Variants in SEC24D observed in about 807,000 individuals in gnomAD.
SEC24D encodes the protein protein transport protein Sec24D.
Under a neutral mutation model 116.9 loss-of-function variants are expected in SEC24D, and 69 were observed. The observed-to-expected ratio is 0.59, with a 90% CI of 0.49 to 0.72. The LOEUF (loss-of-function observed/expected upper bound fraction) is 0.72. Among genes scored for constraint, SEC24D ranks in the 30% least tolerant of loss-of-function variants. SEC24D has a pLI of 0.00. For missense variants in SEC24D, 1,131 were observed against 1,264.1 expected (o/e 0.89, Z 1.60); for synonymous variants, 405 against 442.8 (o/e 0.91, Z 1.07).
At chr4:118,783,239 C>T (rs944073573) in intron 8 of SEC24D, among the ~76,000 whole-genome samples, 5 of 152,240 alleles carry the variant, frequency 3.3e-5, no homozygotes, top group Admixed American at 3.3e-4. Flanking sequence ...CATCTTGGAA[C>T]AGACCCCTGA....
intron 3 of SEC24D, among the ~76,000 whole-genome samples, chr4:118,823,684 C>T (rs1730488935): frequency 6.6e-6 from 1 of 152,246 alleles, no homozygotes; most frequent in Non-Finnish European, 1.5e-5. Flanking sequence ...GCTTCTTTCC[C>T]AGGGATTAGT....
chr4:118,757,774 T>C lies in SEC24D; in HGVS notation c.1368A>G (p.Gly456=), dbSNP rs1727176036. The C allele has an allele frequency of 6.2e-7, 1 of 1,612,030 alleles. No individual in the cohort carries two copies. Among genetic ancestry groups the C allele is most frequent in the Non-Finnish European group, 8.5e-7 (1 of 1,179,100 alleles). ...GTTCTTCACATATGAGCTTGACAAGTCCATTCTTTATGTTACTATATGAAA... is the reference window on the plus strand; with the variant it reads ...GTTCTTCACATATGAGCTTGACAAGCCCATTCTTTATGTTACTATATGAAA... ...IDVSYSNIKN[G]LVKLICEELK... is the part of the protein sequence containing the mutation. The change falls in exon 11 of 23, where the codon GGA becomes GGG. Residue 456 remains glycine (G), a synonymous_variant. Transcript: ENST00000280551.
At chr4:118,743,886 G>C in intron 15 of SEC24D, 102 bp downstream of exon 15, 1 of 1,037,438 alleles carries the variant, frequency 9.6e-7, no homozygotes, top group East Asian at 2.5e-5. Context: ...ATTTATATGT[G>C]TCATCTACCC....
At chr4:118,776,336 C>T (rs116050037) in intron 8 of SEC24D, among the ~76,000 whole-genome samples, 4,345 of 152,292 alleles carry the variant, frequency 0.029, 118 homozygotes, top group Admixed American at 0.041. Flanking sequence ...TGTGACCTTT[C>T]TACCCAGGCC....
intron 2 of SEC24D, among the ~76,000 whole-genome samples, chr4:118,827,753 C>T (rs1459958307): frequency 1.3e-5 from 2 of 152,180 alleles, no homozygotes; most frequent in Admixed American, 1.3e-4. Flanking sequence ...GGACCACATA[C>T]TCCCAAGTCT....
intron 8 of SEC24D, among the ~76,000 whole-genome samples, chr4:118,780,200 C>T (rs754799988): frequency 7.0e-4 from 106 of 152,066 alleles, no homozygotes; most frequent in African/African-American, 8.9e-4. Context: ...GTTAGGGTGT[C>T]GATTTTGGAT....
At chr4:118,821,452 G>A (rs1730400083) in intron 3 of SEC24D, among the ~76,000 whole-genome samples, 1 of 152,130 alleles carries the variant, frequency 6.6e-6, no homozygotes, top group African/African-American at 2.4e-5. Context: ...AGCACTGCTT[G>A]CAAGTTTAAG....
chr4:118,734,506 C>T (rs7696543), intron 19 of SEC24D, among the ~76,000 whole-genome samples: 43,567 of 152,050 alleles, frequency 0.29, 7,149 homozygotes, highest in Non-Finnish European at 0.37. Context: ...AGCCACCATG[C>T]CTGGCTTAGT....
chr4:118,829,296 T>C (rs1054704037), intron 2 of SEC24D, among the ~76,000 whole-genome samples: 2 of 152,152 alleles, frequency 1.3e-5, no homozygotes, highest in Admixed American at 6.5e-5. Flanking sequence ...GAGGATGGCT[T>C]GAGGCCAGGA....
At chr4:118,728,439 T>C in intron 22 of SEC24D, 122 bp downstream of exon 22, 1 of 619,338 alleles carries the variant, frequency 1.6e-6, no homozygotes, top group Middle Eastern at 4.4e-4. Context: ...TTATTTTAGA[T>C]TTGTGATGGT....
intron 8 of SEC24D, among the ~76,000 whole-genome samples, chr4:118,793,219 G>T (rs2110500863): frequency 6.6e-6 from 1 of 152,238 alleles, no homozygotes; most frequent in South Asian, 2.1e-4. Context: ...TGTAATCCCA[G>T]CACTTTGGGA....
At chr4:118,826,675 T>TA (rs541858322) in intron 2 of SEC24D, among the ~76,000 whole-genome samples, 1 of 151,054 alleles carries the variant, frequency 6.6e-6, no homozygotes, top group Non-Finnish European at 1.5e-5. Context: ...ATTCCCCCTT[T>TA]AAAAAAATAA....
intron 17 of SEC24D, among the ~76,000 whole-genome samples, chr4:118,739,494 T>C (rs1560616215): frequency 6.6e-6 from 1 of 152,234 alleles, no homozygotes; most frequent in Non-Finnish European, 1.5e-5. Context: ...TGGGTTTCAA[T>C]GTAGCACTTC....
intron 8 of SEC24D, among the ~76,000 whole-genome samples, chr4:118,787,481 A>G (rs1728702766): frequency 6.6e-6 from 1 of 152,218 alleles, no homozygotes; most frequent in South Asian, 2.1e-4. Flanking sequence ...CTATACATGA[A>G]AATGCATAGT....
chr4:118,723,005 G>C lies in SEC24D; in HGVS notation c.*510C>G, dbSNP rs922060918. The C allele has an allele frequency of 3.9e-5, 6 of 152,506 alleles. No homozygotes were observed. The highest frequency in any genetic ancestry group is 8.8e-5 in the Non-Finnish European group (6 of 68,000). The allele number at this position is 152,506 out of a possible 1,614,324, so 9.4% of individuals were successfully genotyped here. A position where few individuals can be genotyped will look rare whatever the true frequency, so the allele number is the denominator to read the frequency against. Reference sequence around the variant, plus strand: ...ATGAAAAAAATGTAGAACACATATTGTTCTACCAGATAAATCCCAAGGTTA... The same window carrying C: ...ATGAAAAAAATGTAGAACACATATTCTTCTACCAGATAAATCCCAAGGTTA... On this transcript the variant is annotated 3_prime_UTR_variant, in exon 23 of 23. Transcript: ENST00000280551.
At chr4:118,833,425 G>T in intron 2 of SEC24D, 154 bp downstream of exon 2, 1 of 598,420 alleles carries the variant, frequency 1.7e-6, no homozygotes, top group Non-Finnish European at 2.9e-6. Flanking sequence ...GTAGAGTTCT[G>T]CTATGAGAGC....
chr4:118,815,498 G>T lies in SEC24D; in HGVS notation c.626C>A (p.Pro209Gln). The change falls in exon 5 of 23, where the codon CCA (proline) becomes CAA (glutamine). Residue 209 changes from proline (P) to glutamine (Q), a missense_variant. Pro to Gln is a moderately conservative substitution (Grantham distance 76, BLOSUM62 -1). Transcript: ENST00000280551. ...PPPPNAQYQP[P>Q]PLPGQTLGAG... ...ACCCAAGGTCTGGCCTGGAAGAGGT[G>T]GGGGCTGGTACTGGGCATTTGGAGG... 2 of 1,614,164 alleles carry T rather than the reference G, an allele frequency of 1.2e-6. No individual in the cohort carries two copies. Among genetic ancestry groups the T allele is most frequent in the Non-Finnish European group, 1.7e-6 (2 of 1,180,010 alleles).
At position 118,752,100 on chromosome 4, in the gene SEC24D, T is replaced by G. The variant is rs1318869977; in HGVS notation, c.1614-11A>C. ...ATCTGGTCCAACAAACTATAAGACATGAGTAAGCAAAAGGTTTGAAATGTT... is the reference window on the plus strand; with the variant it reads ...ATCTGGTCCAACAAACTATAAGACAGGAGTAAGCAAAAGGTTTGAAATGTT... On this transcript the variant is annotated splice_polypyrimidine_tract_variant and intron_variant, in intron 12 of 22. Coordinates refer to ENST00000280551, the MANE Select transcript of SEC24D (RefSeq NM_014822.4). 1.3e-6 allele frequency: 2 copies of G among 1,535,030 alleles called. No homozygotes were observed. The highest frequency in any genetic ancestry group is 1.8e-6 in the Non-Finnish European group (2 of 1,113,522).
chr4:118,811,224 T>C (rs1197541453), intron 6 of SEC24D, among the ~76,000 whole-genome samples: 1 of 152,240 alleles, frequency 6.6e-6, no homozygotes, highest in Non-Finnish European at 1.5e-5. Context: ...GGGTGGAAAC[T>C]GAATCCAGGT....
Sources: gnomAD v4.1 joint callset for allele counts (sites outside exome capture counted in the v4.1 genomes callset) on GRCh38, gnomAD v4.1.1 for gene constraint, MANE v1.5 for transcripts, NCBI Gene and HGNC (gene_info 2026-07-23, HGNC 2026-07-21) for gene names.